The following BCOR variants were observed in gnomAD, a reference collection of about 807,000 sequenced individuals.
BCOR encodes the protein BCL-6 corepressor.
Under a neutral mutation model 86.7 loss-of-function variants are expected in BCOR, and 10 were observed. The ratio of observed to expected loss-of-function variants is 0.12; its 90% confidence interval spans 0.07 to 0.20. The LOEUF (loss-of-function observed/expected upper bound fraction) is 0.20. Ranked by LOEUF, BCOR falls within the 10% of genes least tolerant of loss-of-function variation. BCOR has a pLI of 1.00. For missense variants in BCOR, 1,259 were observed against 1,452.1 expected (o/e 0.87, Z 2.16); for synonymous variants, 611 against 609.0 (o/e 1.00, Z -0.05).
chrX:40,124,707 A>G (rs1317221323), intron 1 of BCOR, among the ~76,000 whole-genome samples: 1 of 110,036 alleles, frequency 9.1e-6, no homozygotes, highest in Non-Finnish European at 1.9e-5. Flanking sequence ...GGCTCAACCA[A>G]TCCTCCCACC....
chrX:40,134,151 A>C (rs147937643), intron 1 of BCOR, among the ~76,000 whole-genome samples: 4,070 of 106,431 alleles, frequency 0.038, 184 homozygotes, highest in African/African-American at 0.13. Context: ...AGGGCAGAAC[A>C]AGCAGGAGGG....
At position 40,064,249 on chromosome X, in the gene BCOR, GCCGCACATCCACATCT is replaced by G. The variant is rs1314722458; in HGVS notation, c.3502+71_3502+86del. 4.0e-5 allele frequency: 46 copies of G among 1,162,685 alleles called. 1 individual carries two copies. The Admixed American group carries it at 9.8e-4, about 25-fold the overall frequency. Reference sequence around the variant, plus strand: ...CCGACTCTGTCTACGGGGGCAGCGCGCCGCACATCCACATCTCCTGTCCATCCACTGTGGCCGCATG... The same window carrying G: ...CCGACTCTGTCTACGGGGGCAGCGCGCCTGTCCATCCACTGTGGCCGCATG... On this transcript the variant is annotated intron_variant, in intron 7 of 14. Transcript: ENST00000378444.
At chrX:40,110,022 A>G (rs2147829778) in intron 1 of BCOR, among the ~76,000 whole-genome samples, 1 of 112,188 alleles carries the variant, frequency 8.9e-6, no homozygotes, top group East Asian at 2.8e-4. Context: ...TCTCTCTTCC[A>G]CACTCTAAGA....
intron 1 of BCOR, among the ~76,000 whole-genome samples, chrX:40,172,434 C>T (rs1215094670): frequency 3.5e-5 from 4 of 113,105 alleles, no homozygotes; most frequent in African/African-American, 1.3e-4. Flanking sequence ...GCGGTCTCCC[C>T]GACCCGGACT....
intron 1 of BCOR, among the ~76,000 whole-genome samples, chrX:40,158,679 G>C (rs1938352443): frequency 8.8e-6 from 1 of 113,140 alleles, no homozygotes; most frequent in South Asian, 3.5e-4. Flanking sequence ...GCAGCTGGGG[G>C]TGGGGGGCGA....
intron 1 of BCOR, among the ~76,000 whole-genome samples, chrX:40,109,545 A>T (rs1937261054): frequency 9.0e-6 from 1 of 111,438 alleles, no homozygotes; most frequent in Non-Finnish European, 1.9e-5. Context: ...AAGCCAACAG[A>T]GCCGGCGGAC....
rs1443139935 is a variant in BCOR, at chrX:40,063,849, C to G, written c.3606G>C (p.Gly1202=). The G allele has an allele frequency of 1.7e-6, 2 of 1,211,768 alleles. No homozygotes were observed. The highest frequency in any genetic ancestry group is 2.2e-6 in the Non-Finnish European group (2 of 895,417). ...TNLKVCIELT[G]LHPKKQRHLL... is the part of the protein sequence containing the mutation. ...AGTGGCGTTGTTTTTTAGGATGGAG[C>G]CCTGTTAATTCAATGCACACCTTCA... Residue 1202 remains glycine, a synonymous_variant, in exon 8 of 15, where the codon GGG becomes GGC. Coordinates refer to ENST00000378444, the MANE Select transcript of BCOR (RefSeq NM_001123385.2).
chrX:40,112,301 T>C (rs1267415370), intron 1 of BCOR, among the ~76,000 whole-genome samples: 1 of 111,516 alleles, frequency 9.0e-6, no homozygotes, highest in Non-Finnish European at 1.9e-5. Context: ...TTACATTTTT[T>C]TTTTCTAGTT....
At position 40,074,124 on chromosome X, in the gene BCOR, C is replaced by T. The variant is rs1406831429; in HGVS notation, c.1222G>A (p.Gly408Arg). The change falls in exon 4 of 15, where the codon GGG becomes AGG. Residue 408 changes from glycine (G) to arginine (R), a missense_variant. Coordinates refer to ENST00000378444, the MANE Select transcript of BCOR (RefSeq NM_001123385.2). The part of the protein sequence containing the change: ...EGGEGAQPVP[G>R]HARKTAVQDR... ...TGAACCGCTGTCTTCCGGGCATGCCCGGGCACTGGCTGGGCACCTTCGCCC... is the reference window on the plus strand; with the variant it reads ...TGAACCGCTGTCTTCCGGGCATGCCTGGGCACTGGCTGGGCACCTTCGCCC... 3 of 1,212,234 alleles carry T rather than the reference C, an allele frequency of 2.5e-6. No homozygotes were observed. Among genetic ancestry groups the T allele is most frequent in the Admixed American group, 2.2e-5 (1 of 46,152 alleles).
At chrX:40,106,873 A>T (rs1284654633) in intron 1 of BCOR, among the ~76,000 whole-genome samples, 1 of 109,604 alleles carries the variant, frequency 9.1e-6, no homozygotes, top group Non-Finnish European at 1.9e-5. Context: ...CCCCCTCCCC[A>T]ACACAGAGCC....
chrX:40,095,449 TCACCACC>T (rs1936813796), intron 1 of BCOR, among the ~76,000 whole-genome samples: 1 of 110,843 alleles, frequency 9.0e-6, no homozygotes, highest in African/African-American at 3.3e-5. Context: ...CTGTCTGCAC[TCACCACC>T]CACCACCTTC....
At chrX:40,084,650 C>CT (rs1312215410) in intron 1 of BCOR, among the ~76,000 whole-genome samples, 1 of 111,152 alleles carries the variant, frequency 9.0e-6, no homozygotes, top group African/African-American at 3.3e-5. Context: ...TGTCAATGCA[C>CT]TTTTGTTTCC....
chrX:40,102,881 G>A (rs757035763), upstream of BCOR, among the ~76,000 whole-genome samples: 1 of 113,351 alleles, frequency 8.8e-6, no homozygotes, highest in African/African-American at 3.2e-5. Context: ...ACAGAGGTGA[G>A]TGGCGCGGGA....
At chrX:40,071,528 A>T in intron 5 of BCOR, 109 bp downstream of exon 5, 2 of 571,873 alleles carry the variant, frequency 3.5e-6, no homozygotes, top group Non-Finnish European at 5.9e-6. Flanking sequence ...AAAATACACA[A>T]TGAATAAAGA....
Position 40,055,467 on chromosome X carries a change from G to A in BCOR, c.4642C>T (p.Leu1548=). The change falls in exon 12 of 15, where the codon CTA becomes TTA. Residue 1548 remains leucine (L), a synonymous_variant. Coordinates refer to ENST00000378444, the MANE Select transcript of BCOR (RefSeq NM_001123385.2). ...GGGTCAGCACCATAAGAGAGAAGTA[G>A]TCGGACAATTTCCAAGTGATCGTTC... is the stretch of plus-strand genomic sequence containing the variant. ...VENDHLEIVR[L]LLSYGADPTL... 1 of 1,211,610 alleles carries A rather than the reference G, an allele frequency of 8.3e-7. No individual in the cohort carries two copies. The highest frequency in any genetic ancestry group is 1.1e-6 in the Non-Finnish European group (1 of 895,219).
chrX:40,068,964 G>A (rs911839641), intron 6 of BCOR, among the ~76,000 whole-genome samples: 13 of 112,634 alleles, frequency 1.2e-4, no homozygotes, highest in Non-Finnish European at 2.1e-4. Flanking sequence ...GAGAGGCTTC[G>A]GGGAGGCATC....
chrX:40,057,020 C>A, intron 11 of BCOR, 135 bp downstream of exon 11: 1 of 697,037 alleles, frequency 1.4e-6, no homozygotes, highest in Non-Finnish European at 2.2e-6. Context: ...TCCAGAGAAC[C>A]CAGTGGTCAG....
intron 1 of BCOR, among the ~76,000 whole-genome samples, chrX:40,147,487 A>G (rs746176431): frequency 2.7e-3 from 305 of 112,341 alleles, no homozygotes; most frequent in Non-Finnish European, 5.2e-3. Context: ...AGGTGGGGAG[A>G]AGGAGAGCGC....
chrX:40,108,754 C>A (rs1347995191), intron 1 of BCOR, among the ~76,000 whole-genome samples: 1 of 113,334 alleles, frequency 8.8e-6, no homozygotes, highest in Non-Finnish European at 1.9e-5. Flanking sequence ...CCGGGCTCCT[C>A]CTGGCTCAGG....
Sources: gnomAD v4.1 joint callset for allele counts (sites outside exome capture counted in the v4.1 genomes callset) on GRCh38, gnomAD v4.1.1 for gene constraint, MANE v1.5 for transcripts, NCBI Gene and HGNC (gene_info 2026-07-23, HGNC 2026-07-21) for gene names.